The following RBMS3 variants were observed in gnomAD, a reference collection of about 807,000 sequenced individuals.
RBMS3 encodes RNA binding motif single stranded interacting protein 3.
In RBMS3, 27 loss-of-function variants were observed where a neutral mutation model predicts 66.8. The ratio of observed to expected loss-of-function variants is 0.40; its 90% CI spans 0.30 to 0.56. RBMS3 has a LOEUF of 0.56. RBMS3 is among the 20% of genes least tolerant of loss of function. The probability of loss-of-function intolerance (pLI) is 0.40; values close to 1 mark genes in which losing one functional copy is unlikely to be tolerated. For missense variants in RBMS3, 513 were observed against 549.5 expected, an observed-to-expected ratio of 0.93 and a Z score of 0.66; for synonymous variants, 188 against 183.0, an observed-to-expected ratio of 1.03 and a Z score of -0.22.
intron 3 of RBMS3, among the ~76,000 whole-genome samples, chr3:29,507,489 T>C (rs924145164): frequency 4.0e-5 from 5 of 124,150 alleles, no homozygotes; most frequent in African/African-American, 1.4e-4. Flanking sequence ...TAGTATGATA[T>C]TAATTGCGAA....
intron 4 of RBMS3, among the ~76,000 whole-genome samples, chr3:29,665,724 C>CT (rs1435827359): frequency 6.6e-6 from 1 of 152,004 alleles, no homozygotes; most frequent in Non-Finnish European, 1.5e-5. Context: ...CTAGCTTGAT[C>CT]TTTTTTATTT....
chr3:29,531,632 G>A (rs777061173), intron 3 of RBMS3, among the ~76,000 whole-genome samples: 3 of 152,202 alleles, frequency 2.0e-5, no homozygotes, highest in South Asian at 2.1e-4. Flanking sequence ...GGCGTCTGAT[G>A]TTTTTGTTGT....
intron 4 of RBMS3, among the ~76,000 whole-genome samples, chr3:29,711,231 T>C (rs1559595487): frequency 6.6e-6 from 1 of 152,192 alleles, no homozygotes; most frequent in African/African-American, 2.4e-5. Context: ...AAAGGTCTTA[T>C]TGTACTGTAC....
chr3:29,447,171 C>G (rs1006179038), intron 2 of RBMS3, among the ~76,000 whole-genome samples: 2 of 152,016 alleles, frequency 1.3e-5, no homozygotes, highest in East Asian at 1.9e-4. Context: ...CCTCAGCCCC[C>G]CAAAGTGCTG....
At chr3:29,488,910 A>T (rs1013600348) in intron 3 of RBMS3, among the ~76,000 whole-genome samples, 1 of 152,226 alleles carries the variant, frequency 6.6e-6, no homozygotes, top group African/African-American at 2.4e-5. Context: ...TTGACTATGA[A>T]TAAATTTACT....
chr3:29,507,758 C>A (rs888451371), intron 3 of RBMS3, among the ~76,000 whole-genome samples: 1 of 151,992 alleles, frequency 6.6e-6, no homozygotes, highest in Non-Finnish European at 1.5e-5. Context: ...ATAATTGTAT[C>A]CATGATCTGA....
intron 5 of RBMS3, among the ~76,000 whole-genome samples, chr3:29,761,061 G>T (rs2055664022): frequency 6.6e-6 from 1 of 150,848 alleles, no homozygotes; most frequent in Admixed American, 6.6e-5. Flanking sequence ...TTAAATTAGG[G>T]TGAAATATGA....
chr3:29,478,418 G>T (rs1475814825), intron 2 of RBMS3, among the ~76,000 whole-genome samples: 1 of 152,130 alleles, frequency 6.6e-6, no homozygotes, highest in Non-Finnish European at 1.5e-5. Context: ...AAGGTAGCTT[G>T]CTGGGCCCTC....
intron 1 of RBMS3, among the ~76,000 whole-genome samples, chr3:29,404,705 T>C (rs974898706): frequency 6.6e-6 from 1 of 152,092 alleles, no homozygotes; most frequent in Non-Finnish European, 1.5e-5. Context: ...AGGTTGGTCT[T>C]GAGTGATAAA....
intron 6 of RBMS3, among the ~76,000 whole-genome samples, chr3:29,848,422 G>C (rs2058843963): frequency 6.6e-6 from 1 of 152,140 alleles, no homozygotes; most frequent in Admixed American, 6.5e-5. Context: ...TATGTATATA[G>C]TTATGATATG....
At chr3:29,948,383 G>A (rs1695458216) in intron 12 of RBMS3, among the ~76,000 whole-genome samples, 1 of 151,770 alleles carries the variant, frequency 6.6e-6, no homozygotes, top group East Asian at 1.9e-4. Flanking sequence ...TTTAATTGAA[G>A]CCTATTTCTT....
chr3:29,821,048 T>A (rs2058065204), intron 6 of RBMS3, among the ~76,000 whole-genome samples: 1 of 152,194 alleles, frequency 6.6e-6, no homozygotes, highest in South Asian at 2.1e-4. Flanking sequence ...TACACTGGCT[T>A]CCTATAGAAG....
intron 1 of RBMS3, among the ~76,000 whole-genome samples, chr3:29,332,312 C>T (rs934136190): frequency 1.3e-5 from 2 of 152,112 alleles, no homozygotes; most frequent in African/African-American, 4.8e-5. Context: ...CAGTCATGAA[C>T]ATTCTCTTGC....
chr3:30,004,128 AAAAAC>A lies in RBMS3; in HGVS notation c.*273_*277del, dbSNP rs1201329520. On this transcript the variant is annotated 3_prime_UTR_variant, in exon 15 of 15. Coordinates refer to ENST00000383767, the MANE Select transcript of RBMS3 (RefSeq NM_001003793.3). ...TCCAGAAGAGGAAAAAAAAACTACA[AAAAAC>A]AAAACATTGAAGGTTGATATTTTAT... 6.4e-6 allele frequency: 2 copies of A among 311,640 alleles called. No individual in the cohort carries two copies. Among genetic ancestry groups the A allele is most frequent in the African/African-American group, 4.3e-5 (2 of 46,318 alleles). 19.3% of individuals were successfully genotyped at this position (311,640 alleles called of 1,614,324 possible). A position where few individuals can be genotyped will look rare whatever the true frequency, so the allele number is the denominator to read the frequency against.
At chr3:29,388,111 ATG>A (rs1475048500) in intron 1 of RBMS3, among the ~76,000 whole-genome samples, 1 of 140,020 alleles carries the variant, frequency 7.1e-6, no homozygotes, top group Non-Finnish European at 1.5e-5. Flanking sequence ...ACACACACAC[ATG>A]TGTGTGTATG....
At chr3:29,917,120 T>C (rs1456106507) in intron 10 of RBMS3, among the ~76,000 whole-genome samples, 3 of 152,016 alleles carry the variant, frequency 2.0e-5, no homozygotes. Context: ...CATTCTATAT[T>C]CAGTTAGAAT....
intron 6 of RBMS3, among the ~76,000 whole-genome samples, chr3:29,854,488 C>T (rs1378643292): frequency 6.6e-6 from 1 of 152,164 alleles, no homozygotes; most frequent in African/African-American, 2.4e-5. Context: ...CTTCAGGAGA[C>T]CTTCTCTCTA....
intron 6 of RBMS3, among the ~76,000 whole-genome samples, chr3:29,813,130 A>C (rs2149461523): frequency 6.6e-6 from 1 of 152,262 alleles, no homozygotes; most frequent in African/African-American, 2.4e-5. Context: ...ATTAAGAATA[A>C]GGCTGTGAGA....
At chr3:29,995,915 C>A (rs1409121809) in intron 14 of RBMS3, among the ~76,000 whole-genome samples, 1 of 151,862 alleles carries the variant, frequency 6.6e-6, no homozygotes, top group Non-Finnish European at 1.5e-5. Flanking sequence ...TCACACATAA[C>A]AATATTAACT....
Sources: allele counts gnomAD v4.1 joint callset (sites outside exome capture counted in the v4.1 genomes callset), GRCh38; gene constraint gnomAD v4.1.1; transcripts MANE v1.5; gene names NCBI Gene and HGNC (gene_info 2026-07-23, HGNC 2026-07-21).